The following SPATS1 variants were observed in gnomAD, a reference collection of about 807,000 sequenced individuals.
SPATS1 encodes spermatogenesis-associated serine-rich protein 1.
Under a neutral mutation model 33.6 loss-of-function variants are expected in SPATS1, and 23 were observed. The ratio of observed to expected loss-of-function variants is 0.68; its 90% CI spans 0.49 to 0.97. SPATS1 has a LOEUF of 0.97. Among genes scored for constraint, SPATS1 ranks in the 50% least tolerant of loss-of-function variants. SPATS1 has a pLI of 0.00. For missense variants in SPATS1, 327 were observed against 361.0 expected, an observed-to-expected ratio of 0.91 and a Z score of 0.76; for synonymous variants, 131 against 125.6, an observed-to-expected ratio of 1.04 and a Z score of -0.29.
chr6:44,343,252 C>G lies in SPATS1; in HGVS notation c.139+18C>G. 6.2e-7 allele frequency: 1 copy of G among 1,613,560 alleles called. No homozygotes were observed. The highest frequency in any genetic ancestry group is 1.1e-5 in the South Asian group (1 of 91,026). On this transcript the variant is annotated intron_variant, in intron 2 of 8. Coordinates refer to ENST00000674044, the MANE Select transcript of SPATS1 (RefSeq NM_001372081.1). Reference sequence around the variant, plus strand: ...GACCTACAGTTGAGTTCTAAGAAATCCAGGCTGTGGAGTTGGTGGCCACAT... The same window carrying G: ...GACCTACAGTTGAGTTCTAAGAAATGCAGGCTGTGGAGTTGGTGGCCACAT...
chr6:44,347,837 C>T (rs1308955309), intron 2 of SPATS1, among the ~76,000 whole-genome samples: 3 of 152,008 alleles, frequency 2.0e-5, no homozygotes, highest in African/African-American at 4.8e-5. Flanking sequence ...GGGTTTTTGT[C>T]AGTACTGTCT....
At chr6:44,368,559 C>T (rs896104441) in intron 6 of SPATS1, 60 bp downstream of exon 6, 3 of 1,480,718 alleles carry the variant, frequency 2.0e-6, no homozygotes. Flanking sequence ...TGTCTCTCTA[C>T]TACACAGAAA....
intron 6 of SPATS1, among the ~76,000 whole-genome samples, chr6:44,368,920 G>A (rs991464295): frequency 1.1e-4 from 17 of 147,840 alleles, no homozygotes; most frequent in African/African-American, 1.7e-4. Flanking sequence ...TTTTTGAGAC[G>A]GAGTCTCGCT....
At chr6:44,362,724 AG>A in intron 5 of SPATS1, among the ~76,000 whole-genome samples, 1 of 152,348 alleles carries the variant, frequency 6.6e-6, no homozygotes, top group South Asian at 2.1e-4. Flanking sequence ...AGAGACAAAT[AG>A]TTTTGAGAAT....
intron 3 of SPATS1, among the ~76,000 whole-genome samples, chr6:44,354,504 CTT>C (rs1251582570): frequency 2.6e-5 from 4 of 151,942 alleles, no homozygotes; most frequent in Non-Finnish European, 5.9e-5. Context: ...TTATATTACT[CTT>C]TTGTAAAACC....
chr6:44,371,224 A>G (rs1322356453), intron 7 of SPATS1, among the ~76,000 whole-genome samples: 1 of 151,372 alleles, frequency 6.6e-6, no homozygotes, highest in African/African-American at 2.4e-5. Context: ...TCTTGAGTCT[A>G]TGAGTTCGAG....
intron 3 of SPATS1, among the ~76,000 whole-genome samples, chr6:44,353,615 A>G (rs1038722387): frequency 6.6e-6 from 1 of 152,180 alleles, no homozygotes; most frequent in Admixed American, 6.5e-5. Context: ...TTTGTGTTTT[A>G]TGTACTTTCC....
Position 44,360,752 on chromosome 6 carries a change from T to G in SPATS1, c.412+182T>G, listed in dbSNP as rs143310191. Among the ~76,000 whole-genome samples, 4 of 152,354 alleles carry G rather than the reference T, an allele frequency of 2.6e-5. No homozygotes were observed. The East Asian group carries it at 7.7e-4, about 29-fold the overall frequency. On this transcript the variant is annotated intron_variant, in intron 4 of 8. Transcript: ENST00000674044. The stretch of plus-strand genomic sequence containing the variant: ...GTTTTTCAAAAATAAAATGCCTTTA[T>G]ATAAAACCCATTAAAATACTGCAGA...
intron 3 of SPATS1, among the ~76,000 whole-genome samples, chr6:44,355,355 G>C (rs13220856): frequency 0.18 from 26,766 of 152,080 alleles, 2,718 homozygotes; most frequent in South Asian, 0.34. Flanking sequence ...CATTGCTGAA[G>C]AATATTCCAT....
At chr6:44,351,959 T>C (rs960098192) in intron 2 of SPATS1, among the ~76,000 whole-genome samples, 2 of 152,162 alleles carry the variant, frequency 1.3e-5, no homozygotes, top group African/African-American at 4.8e-5. Context: ...GAAAATTATA[T>C]TGAGATGCTT....
At chr6:44,358,412 A>G (rs566357822) in intron 3 of SPATS1, among the ~76,000 whole-genome samples, 120 of 152,256 alleles carry the variant, frequency 7.9e-4, no homozygotes, top group Non-Finnish European at 1.2e-3. Context: ...TCAGCGCTAA[A>G]CATAATGCTC....
At chr6:44,351,074 G>A (rs1472544438) in intron 2 of SPATS1, among the ~76,000 whole-genome samples, 1 of 130,000 alleles carries the variant, frequency 7.7e-6, no homozygotes, top group Non-Finnish European at 1.6e-5. Flanking sequence ...AGTGAGCTGA[G>A]ATCACACCAC....
chr6:44,364,342 G>C (rs956072591), intron 5 of SPATS1, among the ~76,000 whole-genome samples: 20 of 152,146 alleles, frequency 1.3e-4, no homozygotes, highest in Admixed American at 1.3e-3. Flanking sequence ...TCCAAGTAAG[G>C]CCCACAGATT....
intron 7 of SPATS1, among the ~76,000 whole-genome samples, chr6:44,374,808 C>T (rs1383885884): frequency 6.6e-6 from 1 of 152,144 alleles, no homozygotes; most frequent in Non-Finnish European, 1.5e-5. Flanking sequence ...TTATACATTG[C>T]TCTTAGTCCT....
chr6:44,375,639 A>G (rs560679874), intron 7 of SPATS1, among the ~76,000 whole-genome samples: 6 of 151,994 alleles, frequency 3.9e-5, no homozygotes, highest in African/African-American at 1.4e-4. Context: ...GTAAAGCCCC[A>G]TCTCTACTAA....
At chr6:44,365,539 T>A (rs2153368654) in intron 5 of SPATS1, among the ~76,000 whole-genome samples, 1 of 152,328 alleles carries the variant, frequency 6.6e-6, no homozygotes, top group Middle Eastern at 3.4e-3. Context: ...ATCTGTGACC[T>A]TTCCATCTCA....
chr6:44,376,409 AGAGGTT>A lies in SPATS1; in HGVS notation c.815_820del (p.Val272_Glu273del). The stretch of plus-strand genomic sequence containing the variant: ...CCAACAGTTTGAAAAATGAGATACA[AGAGGTT>A]GAGGAGCTTGACAACTGGCAGCCAG... On this transcript the variant is annotated inframe_deletion, in exon 8 of 9. Transcript: ENST00000674044. 1 of 1,613,312 alleles carries A rather than the reference AGAGGTT, an allele frequency of 6.2e-7. No homozygotes were observed. The highest frequency in any genetic ancestry group is 8.5e-7 in the Non-Finnish European group (1 of 1,179,796).
chr6:44,352,658 T>A, intron 2 of SPATS1, 68 bp from the exon 3 acceptor site: 1 of 1,460,372 alleles, frequency 6.8e-7, no homozygotes, highest in Non-Finnish European at 9.5e-7. Flanking sequence ...ATTTATAATC[T>A]AGGAAACAAA....
At position 44,361,882 on chromosome 6, in the gene SPATS1, T is replaced by C. The variant is rs865932324; in HGVS notation, c.464T>C (p.Ile155Thr). 6.2e-7 allele frequency: 1 copy of C among 1,614,226 alleles called. No homozygotes were observed. Among genetic ancestry groups the C allele is most frequent in the Non-Finnish European group, 8.5e-7 (1 of 1,180,054 alleles). The change falls in exon 5 of 9, where the codon ATC becomes ACC. Residue 155 changes from isoleucine (I) to threonine (T), a missense_variant. Physicochemically the swap from Ile to Thr is moderately conservative, Grantham distance 89. Transcript: ENST00000674044. ...TTTTACCCAAGGTTTAGCAGCAACA[T>C]CCACACCTACCACGTCGGAAAGCAG... is the stretch of plus-strand genomic sequence containing the variant. ...WTFYPRFSSN[I>T]HTYHVGKQCF...
Sources: gnomAD v4.1 joint callset for allele counts (sites outside exome capture counted in the v4.1 genomes callset) on GRCh38, gnomAD v4.1.1 for gene constraint, MANE v1.5 for transcripts, NCBI Gene and HGNC (gene_info 2026-07-23, HGNC 2026-07-21) for gene names.